Variants in SCHIP1 observed in about 807,000 individuals in gnomAD.
SCHIP1 encodes schwannomin interacting protein 1.
SCHIP1 carries 8 observed loss-of-function variants against 29.7 expected under a neutral mutation model. The ratio of observed to expected loss-of-function variants is 0.27; its 90% CI spans 0.16 to 0.49. The LOEUF is 0.49. Ranked by LOEUF, SCHIP1 falls within the 20% of genes least tolerant of loss-of-function variation. The pLI is 0.99. For missense variants in SCHIP1, 193 were observed against 294.6 expected (o/e 0.66, Z 2.52); for synonymous variants, 76 against 94.9 (o/e 0.80, Z 1.16).
chr3:159,572,315 G>T, the SCHIP1 span, among the ~76,000 whole-genome samples: 63 of 152,108 alleles, frequency 4.1e-4, no homozygotes, highest in South Asian at 0.013. Context: ...ATTCTGGTAT[G>T]TTGTGTCTTT....
chr3:159,851,564 A>ATGTTT (rs1712642708), intron 1 of SCHIP1, among the ~76,000 whole-genome samples: 1 of 44,006 alleles, frequency 2.3e-5, no homozygotes, highest in South Asian at 7.6e-4. Context: ...GGTAGCTGTT[A>ATGTTT]ATATATGCCA....
chr3:159,296,555 C>T, the SCHIP1 span, among the ~76,000 whole-genome samples: 1 of 152,086 alleles, frequency 6.6e-6, no homozygotes, highest in Non-Finnish European at 1.5e-5. Flanking sequence ...GGGTGGATCA[C>T]CTGAGGTCAG....
the SCHIP1 span, among the ~76,000 whole-genome samples, chr3:159,521,759 T>C: frequency 6.6e-6 from 1 of 152,196 alleles, no homozygotes. Flanking sequence ...AGTTGGTGAG[T>C]CATATCCAGT....
At chr3:159,647,031 CA>C in the SCHIP1 span, among the ~76,000 whole-genome samples, 1 of 151,874 alleles carries the variant, frequency 6.6e-6, no homozygotes, top group Admixed American at 6.6e-5. Context: ...GTGTGGTTGT[CA>C]GGTTAAGACT....
chr3:159,522,683 A>G, the SCHIP1 span, among the ~76,000 whole-genome samples: 1 of 152,196 alleles, frequency 6.6e-6, no homozygotes, highest in Non-Finnish European at 1.5e-5. Context: ...ATCCTGGCCA[A>G]CATGGTGAAA....
chr3:159,477,176 CTTTA>C, the SCHIP1 span, among the ~76,000 whole-genome samples: 158 of 152,212 alleles, frequency 1.0e-3, 2 homozygotes, highest in East Asian at 1.4e-3. Flanking sequence ...TCCACATTTT[CTTTA>C]TTCATTCATT....
At chr3:159,655,379 AGTGATGATGATGATGATGATG>A in the SCHIP1 span, among the ~76,000 whole-genome samples, 1 of 151,860 alleles carries the variant, frequency 6.6e-6, no homozygotes, top group Non-Finnish European at 1.5e-5. Flanking sequence ...CAGTAGTAGT[AGTGATGATGATGATGATGATG>A]GTGATGATGA....
At chr3:159,871,154 T>G (rs1003032780) in intron 2 of SCHIP1, among the ~76,000 whole-genome samples, 35 of 152,236 alleles carry the variant, frequency 2.3e-4, no homozygotes, top group African/African-American at 8.2e-4. Flanking sequence ...TTTTCTGAGT[T>G]TATTTTTCAT....
the SCHIP1 span, among the ~76,000 whole-genome samples, chr3:159,647,908 A>C: frequency 6.6e-6 from 1 of 152,300 alleles, no homozygotes; most frequent in South Asian, 2.1e-4. Context: ...TTGTTATTCC[A>C]GAGGGTCATG....
the SCHIP1 span, among the ~76,000 whole-genome samples, chr3:159,827,955 A>T: frequency 6.6e-6 from 1 of 152,166 alleles, no homozygotes; most frequent in Admixed American, 6.5e-5. Flanking sequence ...TGTAAAAAGA[A>T]AAAACAAACT....
chr3:159,886,174 A>C (rs375092661), intron 2 of SCHIP1, 33 bp from the exon 4 acceptor site: 4 of 1,611,800 alleles, frequency 2.5e-6, no homozygotes, highest in Non-Finnish European at 3.4e-6. Flanking sequence ...CAAACAGCTA[A>C]GTAGAACTAG....
chr3:159,333,514 TAC>T, the SCHIP1 span, among the ~76,000 whole-genome samples: 216 of 151,294 alleles, frequency 1.4e-3, 1 homozygote, highest in Middle Eastern at 0.017. Flanking sequence ...TACACAAACA[TAC>T]ACACACACAC....
chr3:159,806,744 C>A, the SCHIP1 span, among the ~76,000 whole-genome samples: 1 of 152,204 alleles, frequency 6.6e-6, no homozygotes, highest in African/African-American at 2.4e-5. Flanking sequence ...CTGAGCAGGG[C>A]CCTCCACTCG....
At chr3:159,640,780 A>C in the SCHIP1 span, among the ~76,000 whole-genome samples, 1 of 152,128 alleles carries the variant, frequency 6.6e-6, no homozygotes, top group Non-Finnish European at 1.5e-5. Flanking sequence ...AGGAAAGCCC[A>C]CACTGCATGC....
At chr3:159,294,002 A>G in the SCHIP1 span, among the ~76,000 whole-genome samples, 1 of 152,150 alleles carries the variant, frequency 6.6e-6, no homozygotes, top group Non-Finnish European at 1.5e-5. Context: ...CTGTCCAAAG[A>G]CAGTAATCTG....
chr3:159,427,078 A>T, the SCHIP1 span, among the ~76,000 whole-genome samples: 1 of 152,234 alleles, frequency 6.6e-6, no homozygotes, highest in Non-Finnish European at 1.5e-5. Context: ...AGCCAATATC[A>T]TACTGAATGG....
chr3:159,374,803 A>C, the SCHIP1 span, among the ~76,000 whole-genome samples: 1 of 152,192 alleles, frequency 6.6e-6, no homozygotes, highest in Non-Finnish European at 1.5e-5. Context: ...TCTGTGGACT[A>C]AAGTAATAGA....
the SCHIP1 span, among the ~76,000 whole-genome samples, chr3:159,748,405 G>C: frequency 6.6e-6 from 1 of 152,198 alleles, no homozygotes; most frequent in Non-Finnish European, 1.5e-5. Context: ...AAAATGAGTT[G>C]ATTCAAAGAA....
chr3:159,352,975 G>T, the SCHIP1 span, among the ~76,000 whole-genome samples: 1 of 152,114 alleles, frequency 6.6e-6, no homozygotes, highest in Non-Finnish European at 1.5e-5. Context: ...GCGTTTGGGG[G>T]ACAGCAAATT....
Sources: allele counts gnomAD v4.1 joint callset (sites outside exome capture counted in the v4.1 genomes callset), GRCh38; gene constraint gnomAD v4.1.1; transcripts MANE v1.5; gene names NCBI Gene and HGNC (gene_info 2026-07-23, HGNC 2026-07-21).